Variants in FHOD3 observed in about 807,000 individuals in gnomAD.
FHOD3 encodes the protein FH1/FH2 domain-containing protein 3.
In FHOD3, 90 loss-of-function variants were observed where a neutral mutation model predicts 173.0. The ratio of observed to expected loss-of-function variants is 0.52; its 90% CI spans 0.44 to 0.62. FHOD3 has a LOEUF of 0.62. Ranked by LOEUF, FHOD3 falls within the 20% of genes least tolerant of loss-of-function variation. The probability of loss-of-function intolerance (pLI) is 0.00; values close to 1 mark genes in which losing one functional copy is unlikely to be tolerated. For missense variants in FHOD3, 1,945 were observed against 2,034.7 expected, an observed-to-expected ratio of 0.96 and a Z score of 0.85; for synonymous variants, 828 against 823.0, an observed-to-expected ratio of 1.01 and a Z score of -0.10.
intron 14 of FHOD3, among the ~76,000 whole-genome samples, chr18:36,676,926 C>A (rs2037900525): frequency 6.6e-6 from 1 of 152,102 alleles, no homozygotes; most frequent in South Asian, 2.1e-4. Flanking sequence ...ATATATGTTA[C>A]AAGTAGTTTC....
rs763505449 is a variant in FHOD3 at position 36,502,014 on chromosome 18, AAT to A, written c.405+17_405+18del. The stretch of plus-strand genomic sequence containing the variant: ...AGATATTTCAGGTAAATAGGAAAAA[AAT>A]AAGTACTTACCTGTTTTTACATTGC... On this transcript the variant is annotated intron_variant, in intron 4 of 28. Coordinates refer to ENST00000590592, the MANE Select transcript of FHOD3 (RefSeq NM_001281740.3). The A allele has an allele frequency of 6.4e-7, 1 of 1,569,734 alleles. No individual in the cohort carries two copies. Among genetic ancestry groups the A allele is most frequent in the East Asian group, 2.3e-5 (1 of 44,164 alleles).
At chr18:36,777,325 C>T (rs1055936414) in intron 28 of FHOD3, among the ~76,000 whole-genome samples, 25 of 151,810 alleles carry the variant, frequency 1.6e-4, no homozygotes, top group Non-Finnish European at 2.8e-4. Context: ...CATCAGCTTC[C>T]CGAGTAGCTG....
chr18:36,414,295 G>A (rs907164075), intron 3 of FHOD3, among the ~76,000 whole-genome samples: 1 of 152,216 alleles, frequency 6.6e-6, no homozygotes, highest in Non-Finnish European at 1.5e-5. Context: ...GATGAAGAAA[G>A]CAAAGCTCAT....
At chr18:36,430,804 A>G (rs2050500208) in intron 3 of FHOD3, among the ~76,000 whole-genome samples, 1 of 152,198 alleles carries the variant, frequency 6.6e-6, no homozygotes, top group Non-Finnish European at 1.5e-5. Flanking sequence ...TGTTTGGACT[A>G]GACGTTAGCG....
chr18:36,737,047 AGCTCATAGGAGGG>A (rs1360621152), intron 20 of FHOD3, among the ~76,000 whole-genome samples: 1 of 152,242 alleles, frequency 6.6e-6, no homozygotes, highest in Non-Finnish European at 1.5e-5. Flanking sequence ...AAGGGCCATC[AGCTCATAGGAGGG>A]GCTCATAGGA....
At chr18:36,338,639 C>T (rs1264778011) in intron 1 of FHOD3, among the ~76,000 whole-genome samples, 2 of 152,142 alleles carry the variant, frequency 1.3e-5, no homozygotes, top group African/African-American at 2.4e-5. Context: ...CTGGGGGATG[C>T]TATGGAATGA....
intron 3 of FHOD3, among the ~76,000 whole-genome samples, chr18:36,460,652 G>A (rs990913495): frequency 3.3e-5 from 5 of 152,314 alleles, no homozygotes; most frequent in East Asian, 3.9e-4. Flanking sequence ...GATAGACAAG[G>A]CCCTGTCCCA....
intron 2 of FHOD3, 151 bp downstream of exon 2, chr18:36,355,796 G>T: frequency 1.5e-6 from 1 of 669,336 alleles, no homozygotes; most frequent in Non-Finnish European, 2.5e-6. Flanking sequence ...TGACTCATCA[G>T]TGGTGACTGC....
At chr18:36,354,309 C>T (rs540893455) in intron 1 of FHOD3, among the ~76,000 whole-genome samples, 22 of 152,238 alleles carry the variant, frequency 1.4e-4, no homozygotes, top group South Asian at 6.2e-4. Flanking sequence ...ATTTACTAGA[C>T]GGTGAATTGG....
intron 10 of FHOD3, among the ~76,000 whole-genome samples, chr18:36,637,070 T>C (rs2034945567): frequency 6.6e-6 from 1 of 152,174 alleles, no homozygotes; most frequent in East Asian, 1.9e-4. Context: ...TGATAGCTCA[T>C]GTCTATAAGT....
In FHOD3 at chr18:36,678,844, G is replaced by A. The variant is rs113294242; in HGVS notation, c.1836-2592G>A. Among the ~76,000 whole-genome samples, 62 of 152,152 alleles carry A rather than the reference G, an allele frequency of 4.1e-4. 1 individual carries two copies. Among genetic ancestry groups the A allele is most frequent in the African/African-American group, 1.3e-3 (56 of 41,534 alleles). On this transcript the variant is annotated intron_variant, in intron 14 of 28. Transcript: ENST00000590592. ...ATGTGATTTTGTTTCAGATTTTTGC[G>A]TTGGTGTTCATAATTGCAAATAGTA... is the stretch of plus-strand genomic sequence containing the variant.
intron 28 of FHOD3, chr18:36,778,379 T>A (rs2043844153): frequency 6.6e-6 from 1 of 152,240 alleles, no homozygotes; most frequent in Non-Finnish European, 1.5e-5. Context: ...GGCAGATCCA[T>A]AACGTTTCTC....
At chr18:36,496,194 G>A (rs923621512) in intron 3 of FHOD3, among the ~76,000 whole-genome samples, 3 of 152,194 alleles carry the variant, frequency 2.0e-5, no homozygotes, top group Non-Finnish European at 2.9e-5. Flanking sequence ...GGCATTGTTA[G>A]TCCTGCAGCA....
At chr18:36,389,342 G>A (rs1037666816) in intron 3 of FHOD3, among the ~76,000 whole-genome samples, 1 of 152,204 alleles carries the variant, frequency 6.6e-6, no homozygotes, top group African/African-American at 2.4e-5. Context: ...CCATTGTGGT[G>A]CCTTTTATCC....
At chr18:36,706,293 G>T (rs2039875223) in intron 17 of FHOD3, among the ~76,000 whole-genome samples, 1 of 152,142 alleles carries the variant, frequency 6.6e-6, no homozygotes, top group Admixed American at 6.5e-5. Context: ...TATTTAATTT[G>T]TTCATCATTA....
intron 1 of FHOD3, among the ~76,000 whole-genome samples, chr18:36,349,761 G>A (rs2046033816): frequency 6.6e-6 from 1 of 152,132 alleles, no homozygotes; most frequent in African/African-American, 2.4e-5. Context: ...GTTTTTTCAG[G>A]ATGGTGAGTC....
intron 5 of FHOD3, among the ~76,000 whole-genome samples, chr18:36,551,876 A>G (rs2057671667): frequency 6.6e-6 from 1 of 152,210 alleles, no homozygotes; most frequent in Non-Finnish European, 1.5e-5. Context: ...TGGTACCAGT[A>G]CCATGCTGTT....
chr18:36,342,532 A>T (rs866517978), intron 1 of FHOD3, among the ~76,000 whole-genome samples: 2 of 152,232 alleles, frequency 1.3e-5, no homozygotes, highest in South Asian at 4.1e-4. Context: ...AAAATGATGT[A>T]AGCTAGAAAG....
At chr18:36,510,875 C>CA (rs1486001299) in intron 4 of FHOD3, among the ~76,000 whole-genome samples, 1 of 152,180 alleles carries the variant, frequency 6.6e-6, no homozygotes, top group South Asian at 2.1e-4. Flanking sequence ...ATCACTCACC[C>CA]ACCCTTCCCC....
Sources: allele counts gnomAD v4.1 joint callset (sites outside exome capture counted in the v4.1 genomes callset), GRCh38; gene constraint gnomAD v4.1.1; transcripts MANE v1.5; gene names NCBI Gene and HGNC (gene_info 2026-07-23, HGNC 2026-07-21).